The following TJP1 variants were observed in gnomAD, a reference collection of about 807,000 sequenced individuals.
The protein encoded by TJP1 is tight junction protein 1.
TJP1 carries 43 observed loss-of-function variants against 194.2 expected under a neutral mutation model. The observed-to-expected ratio is 0.22, with a 90% CI of 0.17 to 0.29. TJP1 has a LOEUF of 0.29. Among genes scored for constraint, TJP1 ranks in the 10% least tolerant of loss-of-function variants. TJP1 has a pLI of 1.00. For synonymous variants in TJP1, 801 were observed against 779.0 expected (o/e 1.03, Z -0.47); for missense variants, 1,971 against 2,185.7 (o/e 0.90, Z 1.96).
rs2041490016 is a variant in TJP1 at position 29,700,730 on chromosome 15, A to AG, written c.*864_*865insC. 6.9e-6 allele frequency: 2 copies of AG among 290,922 alleles called. No homozygotes were observed. The highest frequency in any genetic ancestry group is 1.3e-5 in the Non-Finnish European group (2 of 159,642). The allele number at this position is 290,922 out of a possible 1,614,324, so 18.0% of individuals were successfully genotyped here. On this transcript the variant is annotated 3_prime_UTR_variant, in exon 28 of 28. Coordinates refer to ENST00000614355, the MANE Select transcript of TJP1 (RefSeq NM_001330239.4). ...CACCACTGCCCCTTGTCAAAAAAAA[A>AG]AAAAAAGAAAAGAAAAGAAAAGAAA... is the stretch of plus-strand genomic sequence containing the variant.
chr15:29,872,219 G>A (rs569211277), intron 2 of TJP1, among the ~76,000 whole-genome samples: 1 of 152,278 alleles, frequency 6.6e-6, no homozygotes, highest in East Asian at 1.9e-4. Flanking sequence ...TATGCTGTAG[G>A]GTTAGAGAGG....
intron 2 of TJP1, among the ~76,000 whole-genome samples, chr15:29,930,251 A>C (rs2054664079): frequency 6.6e-6 from 1 of 152,238 alleles, no homozygotes; most frequent in African/African-American, 2.4e-5. Context: ...CATATAATGA[A>C]GCTAAGAAAA....
chr15:29,709,088 G>C lies in TJP1; in HGVS notation c.4373-52C>G, dbSNP rs369716149. The C allele has an allele frequency of 7.2e-6, 11 of 1,519,154 alleles. No homozygotes were observed. In the African/African-American group the frequency reaches 1.5e-4, roughly 21 times the overall value. The allele number at this position is 1,519,154 out of a possible 1,614,324, so 94.1% of individuals were successfully genotyped here. A position where few individuals can be genotyped will look rare whatever the true frequency, so the allele number is the denominator to read the frequency against. ...TAACTTTCTGAAAAAAGTTATAATA[G>C]CCCTGTCCCAGCTTAACTTGTCCTG... is the stretch of plus-strand genomic sequence containing the variant. On this transcript the variant is annotated intron_variant, in intron 24 of 27. Coordinates refer to ENST00000614355, the MANE Select transcript of TJP1 (RefSeq NM_001330239.4).
chr15:29,882,581 T>C (rs2052975477), intron 2 of TJP1, among the ~76,000 whole-genome samples: 1 of 152,180 alleles, frequency 6.6e-6, no homozygotes, highest in Non-Finnish European at 1.5e-5. Flanking sequence ...CAGTTTGTTA[T>C]GAGATTTAAG....
intron 17 of TJP1, 32 bp downstream of exon 17, chr15:29,726,749 A>G: frequency 6.3e-7 from 1 of 1,597,028 alleles, no homozygotes; most frequent in Non-Finnish European, 8.6e-7. Context: ...AGACATTGTA[A>G]GCTGAAAGAA....
intron 2 of TJP1, among the ~76,000 whole-genome samples, chr15:29,912,159 G>A (rs2054035278): frequency 6.6e-6 from 1 of 152,160 alleles, no homozygotes; most frequent in Non-Finnish European, 1.5e-5. Context: ...GAAAAGAAAG[G>A]CACTGGTCCC....
At chr15:29,805,730 A>G (rs1044103540) in intron 1 of TJP1, among the ~76,000 whole-genome samples, 8 of 152,202 alleles carry the variant, frequency 5.3e-5, no homozygotes, top group African/African-American at 1.9e-4. Flanking sequence ...CACCAAAATA[A>G]ATAACTTTTG....
rs2042696339 is a variant in TJP1 at position 29,718,300 on chromosome 15, G to A, written c.3842C>T (p.Thr1281Ile). ...GCCAGTGTCATTTACATCCTTCTTG[G>A]TCTCTAAGGATGCAGATCTTTTGTT... ...FENKRSASLE[T>I]KKDVNDTGSF... Residue 1281 changes from threonine (T) to isoleucine (I), a missense_variant, in exon 21 of 28, where the codon ACC (threonine) becomes ATC (isoleucine). Physicochemically the swap from Thr to Ile is moderately conservative, Grantham distance 89. Around this residue, in one of 5 missense-constraint regions of TJP1, gnomAD observed 1,108 missense variants for 1,128.5 expected, o/e 0.98. Coordinates refer to ENST00000614355, the MANE Select transcript of TJP1 (RefSeq NM_001330239.4). 2 of 1,613,930 alleles carry A rather than the reference G, an allele frequency of 1.2e-6. No homozygotes were observed. Among genetic ancestry groups the A allele is most frequent in the African/African-American group, 2.7e-5 (2 of 74,992 alleles).
chr15:29,945,671 A>G (rs137894173), intron 2 of TJP1, among the ~76,000 whole-genome samples: 517 of 152,256 alleles, frequency 3.4e-3, no homozygotes, highest in Middle Eastern at 0.01. Context: ...GAGGACAGGG[A>G]AAGCTAGGTT....
Position 29,778,754 on chromosome 15 carries a change from C to T in TJP1, c.85-5397G>A, listed in dbSNP as rs150863524. ...CTCCTCTCTCCCTAGGATTTCCTTA[C>T]TACCTTATCAATCTTGCAAGCTTCA... On this transcript the variant is annotated intron_variant, in intron 2 of 27. Transcript: ENST00000614355. 9.7e-3 allele frequency among the ~76,000 whole-genome samples: 1,479 copies of T among 152,284 alleles called. 14 individuals are homozygous for T. Among genetic ancestry groups the T allele is most frequent in the Non-Finnish European group, 0.016 (1,068 of 68,028 alleles).
At chr15:29,931,657 G>A (rs972097482) in intron 2 of TJP1, among the ~76,000 whole-genome samples, 3 of 152,156 alleles carry the variant, frequency 2.0e-5, no homozygotes, top group Non-Finnish European at 4.4e-5. Context: ...AACCGCCTAA[G>A]GTGGGAAAGT....
At chr15:29,768,934 C>T (rs763545600) in intron 4 of TJP1, among the ~76,000 whole-genome samples, 1 of 152,016 alleles carries the variant, frequency 6.6e-6, no homozygotes, top group Non-Finnish European at 1.5e-5. Flanking sequence ...AAAAATACAA[C>T]AGAGAGGCTT....
chr15:29,794,620 G>C (rs2048292158), intron 2 of TJP1, among the ~76,000 whole-genome samples: 1 of 152,128 alleles, frequency 6.6e-6, no homozygotes. Flanking sequence ...AATACATTTA[G>C]TATTTTCCTA....
intron 2 of TJP1, among the ~76,000 whole-genome samples, chr15:29,943,219 T>C (rs896871511): frequency 6.6e-5 from 10 of 152,248 alleles, no homozygotes; most frequent in African/African-American, 2.4e-4. Context: ...AGGTCTTTTT[T>C]AAAACATGCA....
Position 29,871,203 on chromosome 15 carries a change from AC to A in TJP1, c.307-70502del, listed in dbSNP as rs545892261. ...TCATTTAACCAACTTTTGGGATATTACCCACACAGTCCTAAAAACGTATGCA... is the reference window on the plus strand; with the variant it reads ...TCATTTAACCAACTTTTGGGATATTACCACACAGTCCTAAAAACGTATGCA... On this transcript the variant is annotated intron_variant, in intron 2 of 28. Coordinates refer to the TJP1 transcript ENST00000356107. Among the ~76,000 whole-genome samples, 321 of 152,368 alleles carry A rather than the reference AC, an allele frequency of 2.1e-3. 1 individual carries two copies. Among genetic ancestry groups the A allele is most frequent in the African/African-American group, 7.4e-3 (308 of 41,600 alleles).
intron 8 of TJP1, among the ~76,000 whole-genome samples, chr15:29,754,997 CTTTAA>C (rs1381080617): frequency 6.6e-6 from 1 of 152,162 alleles, no homozygotes; most frequent in Non-Finnish European, 1.5e-5. Flanking sequence ...AAAACTAGAT[CTTTAA>C]TTTAAAAGCT....
chr15:29,792,459 G>T (rs1329345863), intron 2 of TJP1, among the ~76,000 whole-genome samples: 2 of 152,106 alleles, frequency 1.3e-5, no homozygotes, highest in Non-Finnish European at 2.9e-5. Context: ...GTCTGTGTCT[G>T]TTTTTATGCC....
rs1159798027 is a variant in TJP1, at chr15:29,716,843, C to G, written c.3975-5G>C. On this transcript the variant is annotated splice_region_variant and splice_polypyrimidine_tract_variant and intron_variant, in intron 22 of 27. Coordinates refer to ENST00000614355, the MANE Select transcript of TJP1 (RefSeq NM_001330239.4). ...GGTTTTTGAGGTTCTGGGATCCTAA[C>G]AGATAATGAATGACAAACGGAACAC... is the stretch of plus-strand genomic sequence containing the variant. 2 of 1,589,262 alleles carry G rather than the reference C, an allele frequency of 1.3e-6. No individual in the cohort carries two copies. Among genetic ancestry groups the G allele is most frequent in the East Asian group, 2.3e-5 (1 of 44,286 alleles).
chr15:29,855,583 T>C (rs746319091), intron 2 of TJP1, among the ~76,000 whole-genome samples: 2 of 152,066 alleles, frequency 1.3e-5, no homozygotes, highest in Non-Finnish European at 2.9e-5. Context: ...TAGCCAGGTG[T>C]GGTGGCTCAC....
Sources: gnomAD v4.1 joint callset for allele counts (sites outside exome capture counted in the v4.1 genomes callset) on GRCh38, gnomAD v4.1.1 for gene constraint, gnomAD v4.1.1 regional missense constraint, MANE v1.5 for transcripts, NCBI Gene and HGNC (gene_info 2026-07-23, HGNC 2026-07-21) for gene names.